Variants in FBXW7 observed in about 807,000 individuals in gnomAD.
FBXW7 encodes F-box and WD repeat domain containing 7.
Under a neutral mutation model 86.3 loss-of-function variants are expected in FBXW7, and 11 were observed. That is an observed-to-expected ratio of 0.13 (90% CI 0.08 to 0.21). FBXW7 has a LOEUF of 0.21. Ranked by LOEUF, FBXW7 falls within the 10% of genes least tolerant of loss-of-function variation. FBXW7 has a pLI of 1.00. For missense variants in FBXW7, 488 were observed against 847.4 expected (o/e 0.58, Z 5.27); for synonymous variants, 313 against 297.9 (o/e 1.05, Z -0.52).
At chr4:152,405,715 C>T (rs549712538) in intron 4 of FBXW7, among the ~76,000 whole-genome samples, 6 of 152,148 alleles carry the variant, frequency 3.9e-5, no homozygotes, top group East Asian at 1.9e-4. Context: ...AATTGCCTGG[C>T]GGGTAAGAAA....
chr4:152,364,390 C>T (rs933860545), intron 4 of FBXW7, among the ~76,000 whole-genome samples: 2 of 152,134 alleles, frequency 1.3e-5, no homozygotes, highest in African/African-American at 4.8e-5. Flanking sequence ...GTCCTTTCAA[C>T]GAAGCTACTA....
intron 2 of FBXW7, among the ~76,000 whole-genome samples, chr4:152,512,802 G>A (rs1390806664): frequency 6.6e-6 from 1 of 152,122 alleles, no homozygotes; most frequent in African/African-American, 2.4e-5. Context: ...AAAATGTTCT[G>A]GATTAATAGT....
intron 2 of FBXW7, among the ~76,000 whole-genome samples, chr4:152,473,779 T>C (rs1186541995): frequency 6.6e-6 from 1 of 152,198 alleles, no homozygotes; most frequent in Non-Finnish European, 1.5e-5. Context: ...CAGATACTTA[T>C]CTTTCTAAAT....
intron 2 of FBXW7, among the ~76,000 whole-genome samples, chr4:152,466,910 C>G (rs957928918): frequency 1.3e-5 from 2 of 152,132 alleles, no homozygotes; most frequent in Non-Finnish European, 2.9e-5. Context: ...CCACTGCACT[C>G]TGGCCTGAGC....
intron 2 of FBXW7, among the ~76,000 whole-genome samples, chr4:152,438,579 G>C (rs961205783): frequency 3.3e-5 from 5 of 152,128 alleles, no homozygotes; most frequent in Admixed American, 1.3e-4. Flanking sequence ...GGAGGCTGAG[G>C]AACGAGAATC....
Position 152,357,712 on chromosome 4 carries a change from A to G in FBXW7, c.502-7588T>C, listed in dbSNP as rs564406398. 2.0e-5 allele frequency among the ~76,000 whole-genome samples: 3 copies of G among 152,288 alleles called. No homozygotes were observed. The East Asian group carries it at 5.8e-4, about 29-fold the overall frequency. ...GTGTGACACACTAATCAACTGCAGT[A>G]TTAGTTCCAACAGTGTAAGTTTTTT... On this transcript the variant is annotated intron_variant, in intron 4 of 13. Transcript: ENST00000281708.
At chr4:152,331,008 A>G (rs933991780) in intron 8 of FBXW7, 140 bp from the exon 9 acceptor site, 2 of 752,454 alleles carry the variant, frequency 2.7e-6, no homozygotes, top group South Asian at 2.1e-5. Context: ...CAAATTTCCA[A>G]TACTGTTATC....
intron 2 of FBXW7, among the ~76,000 whole-genome samples, chr4:152,522,583 C>T (rs1363919706): frequency 2.6e-5 from 4 of 152,076 alleles, no homozygotes; most frequent in African/African-American, 9.7e-5. Flanking sequence ...GGATGCTGTC[C>T]TATACCTTGT....
intron 2 of FBXW7, among the ~76,000 whole-genome samples, chr4:152,498,477 T>C (rs1230922639): frequency 1.3e-5 from 2 of 152,206 alleles, no homozygotes; most frequent in Admixed American, 1.3e-4. Context: ...TCACTGTGAT[T>C]CTCAGCAACT....
intron 4 of FBXW7, among the ~76,000 whole-genome samples, chr4:152,388,928 TCAA>T (rs1201994650): frequency 2.6e-5 from 4 of 151,932 alleles, no homozygotes; most frequent in Non-Finnish European, 5.9e-5. Context: ...GACAGGCAAC[TCAA>T]CAACAAAAAC....
intron 2 of FBXW7, among the ~76,000 whole-genome samples, chr4:152,512,345 CT>C (rs1748057364): frequency 6.6e-6 from 1 of 152,128 alleles, no homozygotes; most frequent in African/African-American, 2.4e-5. Context: ...TGAAGTTACA[CT>C]TTGTAAGACT....
At chr4:152,394,307 T>C (rs982154668) in intron 4 of FBXW7, among the ~76,000 whole-genome samples, 2 of 152,086 alleles carry the variant, frequency 1.3e-5, no homozygotes, top group South Asian at 2.1e-4. Flanking sequence ...AACACCCAAG[T>C]ATCATTAAAG....
intron 2 of FBXW7, among the ~76,000 whole-genome samples, chr4:152,499,450 T>C (rs1746697745): frequency 6.6e-6 from 1 of 152,088 alleles, no homozygotes; most frequent in Non-Finnish European, 1.5e-5. Context: ...AAACCACAAA[T>C]ACAGATCAAG....
intron 6 of FBXW7, among the ~76,000 whole-genome samples, chr4:152,342,989 G>C (rs1295969215): frequency 1.3e-5 from 2 of 152,084 alleles, no homozygotes; most frequent in Non-Finnish European, 2.9e-5. Flanking sequence ...GCACTATCCT[G>C]TAGGTTTTAA....
chr4:152,348,967 T>C (rs531928497), intron 5 of FBXW7, among the ~76,000 whole-genome samples: 2 of 152,084 alleles, frequency 1.3e-5, no homozygotes, highest in African/African-American at 4.8e-5. Flanking sequence ...GATAGCTTTA[T>C]TTTTCTTTTC....
intron 2 of FBXW7, among the ~76,000 whole-genome samples, chr4:152,507,323 C>G (rs1289448079): frequency 2.0e-5 from 3 of 152,090 alleles, no homozygotes; most frequent in Non-Finnish European, 4.4e-5. Flanking sequence ...ATTCCTATAT[C>G]ATATAATATT....
At position 152,455,020 on chromosome 4, in the gene FBXW7, T is replaced by A. The variant is rs115725733; in HGVS notation, c.-119-42491A>T. On this transcript the variant is annotated intron_variant, in intron 2 of 13. Transcript: ENST00000281708. ...TTTTTAAAGAAAAGTCATCAGGAAA[T>A]CCAGAAATTAAAGGTTTAAATTACA... Among the ~76,000 whole-genome samples the A allele has an allele frequency of 5.8e-3, 885 of 152,190 alleles. 8 individuals carry two copies. The highest frequency in any genetic ancestry group is 0.01 in the Middle Eastern group (3 of 294).
At chr4:152,498,425 TG>T (rs1746582435) in intron 2 of FBXW7, among the ~76,000 whole-genome samples, 1 of 152,218 alleles carries the variant, frequency 6.6e-6, no homozygotes, top group African/African-American at 2.4e-5. Flanking sequence ...GGCCAGACTA[TG>T]CATCTAACTA....
chr4:152,531,573 A>G (rs1750027744), intron 2 of FBXW7, among the ~76,000 whole-genome samples: 4 of 141,146 alleles, frequency 2.8e-5, no homozygotes, highest in Non-Finnish European at 6.2e-5. Flanking sequence ...GTTTAAAAGG[A>G]AAAAAAAAAA....
Sources: gnomAD v4.1 joint callset for allele counts (sites outside exome capture counted in the v4.1 genomes callset) on GRCh38, gnomAD v4.1.1 for gene constraint, MANE v1.5 for transcripts, NCBI Gene and HGNC (gene_info 2026-07-23, HGNC 2026-07-21) for gene names.